TSEN15: variants seen among roughly 807,000 people sequenced by gnomAD.
TSEN15 encodes the protein tRNA splicing endonuclease subunit 15.
TSEN15 carries 10 observed loss-of-function variants against 20.5 expected under a neutral mutation model. The ratio of observed to expected loss-of-function variants is 0.49; its 90% CI spans 0.30 to 0.83. The LOEUF is 0.83. Ranked by LOEUF, TSEN15 falls within the 40% of genes least tolerant of loss-of-function variation. The pLI is 0.06. For synonymous variants in TSEN15, 72 were observed against 80.1 expected (o/e 0.90, Z 0.54); for missense variants, 180 against 218.6 (o/e 0.82, Z 1.11).
chr1:184,096,901 G>T (rs750327357), exon 4 of TSEN15: 4 of 152,112 alleles, frequency 2.6e-5, no homozygotes, highest in African/African-American at 9.7e-5. Flanking sequence ...CCCACAACAC[G>T]TGGGAATTCA....
At chr1:184,057,143 A>G (rs1650277191) in intron 3 of TSEN15, among the ~76,000 whole-genome samples, 1 of 152,176 alleles carries the variant, frequency 6.6e-6, no homozygotes, top group African/African-American at 2.4e-5. Flanking sequence ...CTTGCTTACT[A>G]TAAAGGAAGC....
At chr1:184,065,556 A>G (rs1265834840) in intron 3 of TSEN15, among the ~76,000 whole-genome samples, 3 of 152,070 alleles carry the variant, frequency 2.0e-5, no homozygotes, top group Non-Finnish European at 4.4e-5. Context: ...GCTGCTACTG[A>G]ACTTTTTACT....
chr1:184,069,902 G>T (rs1373320463), intron 3 of TSEN15, among the ~76,000 whole-genome samples: 1 of 151,996 alleles, frequency 6.6e-6, no homozygotes, highest in Admixed American at 6.6e-5. Flanking sequence ...TGTTACTAGT[G>T]AGAAGATTCA....
intron 3 of TSEN15, among the ~76,000 whole-genome samples, chr1:184,088,196 G>C (rs1651297971): frequency 6.6e-6 from 1 of 152,102 alleles, no homozygotes; most frequent in Non-Finnish European, 1.5e-5. Context: ...ATTTAGCAGC[G>C]AGGGAGGGGC....
At chr1:184,096,515 C>CT (rs972432503) in exon 4 of TSEN15, 17 of 152,224 alleles carry the variant, frequency 1.1e-4, no homozygotes, top group Admixed American at 1.0e-3. Flanking sequence ...AGATGTCCAG[C>CT]TAACTCACTT....
chr1:184,089,610 T>A lies in TSEN15; in HGVS notation c.354-6080T>A, dbSNP rs570284054. On this transcript the variant is annotated intron_variant, in intron 3 of 3. Coordinates refer to the TSEN15 transcript ENST00000643231. ...GGTGACTCCTCTAATAAGTGCCAGGTTACTTAAAGTAGATCTCATATTTAA... is the reference window on the plus strand; with the variant it reads ...GGTGACTCCTCTAATAAGTGCCAGGATACTTAAAGTAGATCTCATATTTAA... 2.0e-5 allele frequency among the ~76,000 whole-genome samples: 3 copies of A among 152,200 alleles called. No homozygotes were observed. The South Asian group carries it at 6.2e-4, about 32-fold the overall frequency.
Position 184,072,851 on chromosome 1 carries a change from C to G in TSEN15, c.*4C>G. 2 of 1,604,412 alleles carry G rather than the reference C, an allele frequency of 1.2e-6. No individual in the cohort carries two copies. The highest frequency in any genetic ancestry group is 1.7e-6 in the Non-Finnish European group (2 of 1,176,732). On this transcript the variant is annotated 3_prime_UTR_variant, in exon 5 of 5. Transcript: ENST00000645668. ...GAATATTTCTCTTAGAAGATGACAT[C>G]CATGTTTCCTGATGCTTGTTTTATT...
chr1:184,088,638 C>T (rs1304372722), intron 3 of TSEN15, among the ~76,000 whole-genome samples: 5 of 121,190 alleles, frequency 4.1e-5, no homozygotes, highest in African/African-American at 6.1e-5. Context: ...AGGCTGCTCT[C>T]GAACTGAATG....
At chr1:184,096,952 A>C (rs1651466020) in exon 4 of TSEN15, 1 of 152,226 alleles carries the variant, frequency 6.6e-6, no homozygotes, top group Non-Finnish European at 1.5e-5. Context: ...CCATATTAAT[A>C]ACATTCACAT....
intron 3 of TSEN15, among the ~76,000 whole-genome samples, chr1:184,080,213 A>G (rs1459520233): frequency 2.0e-5 from 3 of 152,306 alleles, no homozygotes; most frequent in African/African-American, 7.2e-5. Context: ...ATCATGTTGT[A>G]CTTTATTCAC....
intron 3 of TSEN15, among the ~76,000 whole-genome samples, chr1:184,082,253 A>G (rs570312213): frequency 6.6e-6 from 1 of 152,166 alleles, no homozygotes; most frequent in Admixed American, 6.5e-5. Context: ...ATTGGGCATC[A>G]TCCTGCAGTG....
At chr1:184,069,501 C>T (rs1437550874) in intron 3 of TSEN15, among the ~76,000 whole-genome samples, 1 of 151,956 alleles carries the variant, frequency 6.6e-6, no homozygotes, top group Admixed American at 6.6e-5. Context: ...TATAAGGAAA[C>T]ATTCTGTCAT....
At position 184,072,256 on chromosome 1, in the gene TSEN15, C is replaced by T. The variant is rs555398865; in HGVS notation, c.453C>T (p.Val151=). ...TAGTGGAGTCTGATTCTACAATAGTCTATTATAAACTTACTGATGGATTTA... is the reference window on the plus strand; with the variant it reads ...TAGTGGAGTCTGATTCTACAATAGTTTATTATAAACTTACTGATGGATTTA... The part of the protein sequence containing the change: ...LAIVESDSTI[V]YYKLTDGFML... Residue 151 remains valine, a synonymous_variant, in exon 4 of 5, where the codon GTC becomes GTT. Coordinates refer to ENST00000645668, the MANE Select transcript of TSEN15 (RefSeq NM_052965.4). The T allele has an allele frequency of 1.2e-6, 2 of 1,612,968 alleles. No individual in the cohort carries two copies. Among genetic ancestry groups the T allele is most frequent in the South Asian group, 2.2e-5 (2 of 90,950 alleles).
intron 3 of TSEN15, 72 bp from the exon 4 acceptor site, chr1:184,072,085 G>C: frequency 6.8e-7 from 1 of 1,460,364 alleles, no homozygotes; most frequent in Non-Finnish European, 9.2e-7. Context: ...AAGTTTTCTA[G>C]TGCTTTCTTC....
chr1:184,087,129 G>A (rs1572722241), intron 3 of TSEN15, among the ~76,000 whole-genome samples: 1 of 152,066 alleles, frequency 6.6e-6, no homozygotes, highest in Non-Finnish European at 1.5e-5. Context: ...AAAACATCTA[G>A]AACATAATGC....
At chr1:184,075,923 T>C (rs1476210713), downstream of TSEN15, among the ~76,000 whole-genome samples, 1 of 149,260 alleles carries the variant, frequency 6.7e-6, no homozygotes, top group East Asian at 1.9e-4. Flanking sequence ...TTTTTTTTTC[T>C]TAGCCATATG....
intron 3 of TSEN15, among the ~76,000 whole-genome samples, chr1:184,079,898 T>G (rs539650534): frequency 6.6e-6 from 1 of 152,284 alleles, no homozygotes; most frequent in African/African-American, 2.4e-5. Flanking sequence ...ATTACAACTC[T>G]CTTTAGCCAA....
chr1:184,092,640 C>CTA (rs896542566), intron 3 of TSEN15, among the ~76,000 whole-genome samples: 1 of 152,184 alleles, frequency 6.6e-6, no homozygotes, highest in Admixed American at 6.5e-5. Flanking sequence ...TCCTGAAACA[C>CTA]TAGAGTTCAA....
intron 3 of TSEN15, among the ~76,000 whole-genome samples, chr1:184,065,842 A>G (rs113695824): frequency 3.3e-5 from 5 of 151,964 alleles, no homozygotes; most frequent in African/African-American, 9.7e-5. Flanking sequence ...CCCATTTTTA[A>G]ATTGGGTTTT....
Sources: gnomAD v4.1 joint callset for allele counts (sites outside exome capture counted in the v4.1 genomes callset) on GRCh38, gnomAD v4.1.1 for gene constraint, MANE v1.5 for transcripts, NCBI Gene and HGNC (gene_info 2026-07-23, HGNC 2026-07-21) for gene names.